The following ITCH variants were observed in gnomAD, a reference collection of about 807,000 sequenced individuals.
The protein encoded by ITCH is itchy E3 ubiquitin protein ligase, also known as E3 ubiquitin-protein ligase Itchy homolog.
In ITCH, 28 loss-of-function variants were observed where a neutral mutation model predicts 126.8. The observed-to-expected ratio is 0.22, with a 90% CI of 0.16 to 0.30. The LOEUF (loss-of-function observed/expected upper bound fraction) is 0.30, where lower values mean the gene tolerates loss of function less well. ITCH is among the 10% of genes least tolerant of loss of function. The probability of loss-of-function intolerance (pLI) is 1.00; values close to 1 mark genes in which losing one functional copy is unlikely to be tolerated. For synonymous variants in ITCH, 342 were observed against 340.0 expected (o/e 1.01, Z -0.06); for missense variants, 631 against 1,032.4 (o/e 0.61, Z 5.33).
At chr20:34,502,636 G>C (rs1233827371) in intron 23 of ITCH, among the ~76,000 whole-genome samples, 2 of 151,984 alleles carry the variant, frequency 1.3e-5, no homozygotes, top group Non-Finnish European at 2.9e-5. Context: ...CTTGAACCTG[G>C]GAGGCGGAGG....
intron 11 of ITCH, among the ~76,000 whole-genome samples, chr20:34,447,658 G>A (rs115184173): frequency 6.6e-6 from 1 of 152,298 alleles, no homozygotes; most frequent in African/African-American, 2.4e-5. Flanking sequence ...AGTATGTCAC[G>A]TGCCAAACTT....
chr20:34,470,260 G>A (rs1987489053), intron 15 of ITCH, 140 bp downstream of exon 15: 4 of 775,224 alleles, frequency 5.2e-6, no homozygotes, highest in Admixed American at 3.7e-5. Flanking sequence ...TATTTTTAGA[G>A]CAAATAAATA....
At chr20:34,475,594 A>T (rs1360677409) in intron 16 of ITCH, among the ~76,000 whole-genome samples, 6 of 152,068 alleles carry the variant, frequency 3.9e-5, no homozygotes, top group Non-Finnish European at 8.8e-5. Flanking sequence ...CAGTGAGCCG[A>T]GATGGCAGCA....
chr20:34,507,545 T>G, intron 24 of ITCH, 150 bp from the exon 25 acceptor site: 1 of 640,470 alleles, frequency 1.6e-6, no homozygotes, highest in Non-Finnish European at 2.8e-6. Context: ...TTTTTCCCAT[T>G]TTTGGGTTAT....
intron 7 of ITCH, among the ~76,000 whole-genome samples, chr20:34,431,767 C>A (rs190946781): frequency 2.0e-5 from 3 of 151,632 alleles, no homozygotes; most frequent in Non-Finnish European, 4.4e-5. Flanking sequence ...TGGCCGGTGG[C>A]GGTGGCTCAC....
intron 2 of ITCH, among the ~76,000 whole-genome samples, chr20:34,392,929 C>A (rs539768570): frequency 6.6e-6 from 1 of 152,048 alleles, no homozygotes; most frequent in South Asian, 2.1e-4. Flanking sequence ...GAATCTTTCT[C>A]AAAAAATAAA....
chr20:34,452,721 G>A (rs781723302), intron 12 of ITCH, among the ~76,000 whole-genome samples: 2 of 152,106 alleles, frequency 1.3e-5, no homozygotes, highest in Non-Finnish European at 2.9e-5. Context: ...AGGCTGGGGT[G>A]CAGTGGCTGT....
Position 34,507,800 on chromosome 20 carries a change from G to C in ITCH, c.*6G>C. On this transcript the variant is annotated 3_prime_UTR_variant, in exon 25 of 25. Coordinates refer to ENST00000374864, the MANE Select transcript of ITCH (RefSeq NM_031483.7). ...AAGGATTTGGACAAGAGTAACTTCT[G>C]AGAACTTGCACCATGAATGGGCAAG... 6.2e-7 allele frequency: 1 copy of C among 1,605,286 alleles called. No individual in the cohort carries two copies. Among genetic ancestry groups the C allele is most frequent in the Non-Finnish European group, 8.5e-7 (1 of 1,172,098 alleles).
chr20:34,443,020 T>C (rs1983964305), intron 10 of ITCH, among the ~76,000 whole-genome samples: 1 of 151,880 alleles, frequency 6.6e-6, no homozygotes, highest in South Asian at 2.1e-4. Context: ...TCTAAGCTGT[T>C]TACCTGTTTA....
intron 23 of ITCH, among the ~76,000 whole-genome samples, chr20:34,498,148 A>G (rs2146540954): frequency 6.6e-6 from 1 of 152,260 alleles, no homozygotes; most frequent in South Asian, 2.1e-4. Context: ...TTGTTGTTTT[A>G]TAGAAACGCT....
chr20:34,507,428 CTT>C (rs1990710095), intron 24 of ITCH, among the ~76,000 whole-genome samples: 2 of 151,374 alleles, frequency 1.3e-5, no homozygotes, highest in Admixed American at 1.3e-4. Flanking sequence ...ATTTGTATGT[CTT>C]TGGAGAAATC....
chr20:34,363,641 C>T (rs2037285549), intron 1 of ITCH, among the ~76,000 whole-genome samples: 1 of 152,116 alleles, frequency 6.6e-6, no homozygotes, highest in Non-Finnish European at 1.5e-5. Flanking sequence ...GGCTGGGCCA[C>T]GACGGGCGTG....
In ITCH at chr20:34,427,608, C is replaced by CA. The variant is rs757569182; in HGVS notation, c.521+3092dup. On this transcript the variant is annotated intron_variant, in intron 7 of 24. Coordinates refer to ENST00000374864, the MANE Select transcript of ITCH (RefSeq NM_031483.7). ...GAGTGATGACAGTTAGACCCTGTGT[C>CA]AAAAAAAAAGAAAAGCAATAGGACA... is the stretch of plus-strand genomic sequence containing the variant. Among the ~76,000 whole-genome samples the CA allele has an allele frequency of 2.4e-3, 356 of 148,234 alleles. 3 individuals carry two copies. Among genetic ancestry groups the CA allele is most frequent in the Middle Eastern group, 3.5e-3 (1 of 288 alleles).
At chr20:34,418,196 C>T (rs1187656690) in intron 6 of ITCH, among the ~76,000 whole-genome samples, 1 of 152,024 alleles carries the variant, frequency 6.6e-6, no homozygotes, top group East Asian at 1.9e-4. Flanking sequence ...AACTCCTGAG[C>T]TCAGGCAATC....
At chr20:34,505,906 T>C (rs1990592891) in intron 24 of ITCH, among the ~76,000 whole-genome samples, 1 of 152,178 alleles carries the variant, frequency 6.6e-6, no homozygotes, top group African/African-American at 2.4e-5. Flanking sequence ...GTTTTCAAGG[T>C]TCATCCATGG....
At chr20:34,394,498 A>G (rs932911364) in intron 3 of ITCH, among the ~76,000 whole-genome samples, 1 of 152,164 alleles carries the variant, frequency 6.6e-6, no homozygotes, top group African/African-American at 2.4e-5. Flanking sequence ...TGACACAATC[A>G]TGCAGCCTCC....
At chr20:34,498,580 G>T (rs919344276) in intron 23 of ITCH, among the ~76,000 whole-genome samples, 1 of 152,148 alleles carries the variant, frequency 6.6e-6, no homozygotes, top group African/African-American at 2.4e-5. Context: ...TGCATCTATT[G>T]AGAAGATCAT....
At chr20:34,467,515 CCT>C (rs1229904545) in intron 14 of ITCH, among the ~76,000 whole-genome samples, 1 of 148,150 alleles carries the variant, frequency 6.7e-6, no homozygotes, top group African/African-American at 2.5e-5. Flanking sequence ...AGAGTGTGAC[CCT>C]GTCTCAAAAA....
intron 3 of ITCH, 146 bp downstream of exon 3, chr20:34,394,027 T>G: frequency 1.3e-6 from 1 of 764,562 alleles, no homozygotes; most frequent in East Asian, 2.5e-5. Context: ...AGGCCAGGAG[T>G]TTGAGACCAG....
Sources: gnomAD v4.1 joint callset for allele counts (sites outside exome capture counted in the v4.1 genomes callset) on GRCh38, gnomAD v4.1.1 for gene constraint, MANE v1.5 for transcripts, NCBI Gene and HGNC (gene_info 2026-07-23, HGNC 2026-07-21) for gene names.